Variants in C14orf39 observed in about 807,000 individuals in gnomAD.
C14orf39 encodes chromosome 14 open reading frame 39.
In C14orf39, 66 loss-of-function variants were observed where a neutral mutation model predicts 85.6. That is an observed-to-expected ratio of 0.77 (90% confidence interval 0.63 to 0.95). The LOEUF is 0.95. Ranked by LOEUF, C14orf39 falls within the 40% of genes least tolerant of loss-of-function variation. The probability of loss-of-function intolerance (pLI) is 0.00; values close to 1 mark genes in which losing one functional copy is unlikely to be tolerated. For missense variants in C14orf39, 735 were observed against 663.9 expected (o/e 1.11, Z -1.18); for synonymous variants, 242 against 214.0 (o/e 1.13, Z -1.14).
At chr14:60,475,077 A>C (rs981505943) in intron 5 of C14orf39, among the ~76,000 whole-genome samples, 3 of 152,050 alleles carry the variant, frequency 2.0e-5, no homozygotes, top group Non-Finnish European at 2.9e-5. Context: ...TCAATTTCAG[A>C]GCCTGTTATT....
chr14:60,495,390 T>C, intron 2 of C14orf39: 1 of 182,356 alleles, frequency 5.5e-6, no homozygotes, highest in Non-Finnish European at 1.2e-5. Context: ...CTGAAGAAGA[T>C]CTGAGCGGCA....
chr14:60,474,273 T>C (rs1892255646), intron 5 of C14orf39, among the ~76,000 whole-genome samples: 1 of 152,338 alleles, frequency 6.6e-6, no homozygotes. Context: ...TTTGCTGAAG[T>C]TGTCTACCAG....
At chr14:60,441,993 TAAGAA>T in intron 17 of C14orf39, 76 bp downstream of exon 17, 4 of 914,382 alleles carry the variant, frequency 4.4e-6, no homozygotes, top group Non-Finnish European at 6.9e-6. Context: ...ATTGAGCACC[TAAGAA>T]AATAAGTTAG....
chr14:60,513,266 C>T (rs1893319266), intron 1 of C14orf39, among the ~76,000 whole-genome samples: 1 of 152,270 alleles, frequency 6.6e-6, no homozygotes, highest in South Asian at 2.1e-4. Flanking sequence ...CAAAAGCCCT[C>T]CTGTGGGTCC....
At chr14:60,503,413 A>T (rs2140183149) in intron 1 of C14orf39, among the ~76,000 whole-genome samples, 1 of 152,302 alleles carries the variant, frequency 6.6e-6, no homozygotes, top group South Asian at 2.1e-4. Flanking sequence ...GGCATTAACC[A>T]CTATTTGTGT....
At position 60,457,065 on chromosome 14, in the gene C14orf39, C is replaced by T. The variant is rs11625921; in HGVS notation, c.1210G>A (p.Val404Ile). ...AIYTEHFGKS[V>I]ENDSDEVEER... The stretch of plus-strand genomic sequence containing the variant: ...TCTACTTCATCACTATCATTTTCTA[C>T]TGACTTCCCAAAATGTTCAGTATAT... The change falls in exon 15 of 18, where the codon GTA becomes ATA. Residue 404 changes from valine to isoleucine, a missense_variant. Physicochemically the swap from Val to Ile is conservative, Grantham distance 29 (BLOSUM62 3). Coordinates refer to ENST00000321731, the MANE Select transcript of C14orf39 (RefSeq NM_174978.3). 0.97 allele frequency: 1,544,496 copies of T among 1,599,260 alleles called. 747,938 individuals are homozygous for T. Among genetic ancestry groups the T allele is most frequent in the Non-Finnish European group, 0.98 (1,152,953 of 1,174,398 alleles).
intron 17 of C14orf39, among the ~76,000 whole-genome samples, chr14:60,438,761 C>G (rs765261771): frequency 2.0e-5 from 3 of 151,900 alleles, no homozygotes; most frequent in Admixed American, 6.6e-5. Context: ...AATTCTATCT[C>G]GAAAGATAGA....
At chr14:60,487,696 A>C (rs1282345863), upstream of C14orf39, among the ~76,000 whole-genome samples, 1 of 152,212 alleles carries the variant, frequency 6.6e-6, no homozygotes, top group African/African-American at 2.4e-5. Flanking sequence ...AATTTTGAGA[A>C]GTCTCTTCAC....
chr14:60,476,176 C>T (rs2140139688), intron 5 of C14orf39, among the ~76,000 whole-genome samples: 1 of 152,256 alleles, frequency 6.6e-6, no homozygotes, highest in East Asian at 1.9e-4. Context: ...TATTTAATCG[C>T]TTGGGAAAAA....
intron 17 of C14orf39, among the ~76,000 whole-genome samples, chr14:60,437,614 G>A (rs1014465594): frequency 2.6e-5 from 4 of 151,978 alleles, no homozygotes; most frequent in Non-Finnish European, 5.9e-5. Context: ...TGGAACAGGA[G>A]AGTCTAGAAG....
At chr14:60,478,422 TCA>T in intron 4 of C14orf39, 33 bp from the exon 5 acceptor site, 1 of 1,151,558 alleles carries the variant, frequency 8.7e-7, no homozygotes, top group Non-Finnish European at 1.3e-6. Context: ...AATTAGCAAC[TCA>T]GAATGATAAA....
intron 1 of C14orf39, chr14:60,510,963 A>C (rs1893282134): frequency 9.8e-7 from 1 of 1,022,762 alleles, no homozygotes; most frequent in African/African-American, 1.6e-5. Flanking sequence ...CCTCGCCTTA[A>C]CTGCTGGGGT....
At chr14:60,468,731 T>C (rs868132999) in intron 8 of C14orf39, among the ~76,000 whole-genome samples, 195 bp from the exon 9 acceptor site, 32 of 151,620 alleles carry the variant, frequency 2.1e-4, no homozygotes, top group African/African-American at 7.2e-4. Context: ...TTCCTTACAA[T>C]TCCATTGGCA....
At chr14:60,445,643 G>C (rs1890731086) in intron 16 of C14orf39, among the ~76,000 whole-genome samples, 1 of 152,034 alleles carries the variant, frequency 6.6e-6, no homozygotes, top group Non-Finnish European at 1.5e-5. Context: ...GTCAATATTA[G>C]ACAGATCAAC....
At chr14:60,463,593 T>C (rs2140097019) in intron 11 of C14orf39, among the ~76,000 whole-genome samples, 1 of 152,252 alleles carries the variant, frequency 6.6e-6, no homozygotes, top group South Asian at 2.1e-4. Context: ...ACTTTCATGG[T>C]ATATGAATTA....
intron 7 of C14orf39, 53 bp downstream of exon 7, chr14:60,471,364 C>A: frequency 1.5e-6 from 2 of 1,313,260 alleles, no homozygotes; most frequent in Non-Finnish European, 2.1e-6. Flanking sequence ...AATTAAAATA[C>A]AAAATAATGC....
At chr14:60,460,561 T>C (rs1188637818) in intron 13 of C14orf39, among the ~76,000 whole-genome samples, 2 of 151,854 alleles carry the variant, frequency 1.3e-5, no homozygotes, top group Admixed American at 6.6e-5. Flanking sequence ...TTATATACTT[T>C]AATAGAGCAA....
intron 1 of C14orf39, among the ~76,000 whole-genome samples, chr14:60,506,010 A>G (rs1893198974): frequency 1.3e-5 from 2 of 152,232 alleles, no homozygotes; most frequent in African/African-American, 4.8e-5. Context: ...ATCCAGCACG[A>G]AACAGTTAGC....
Position 60,461,348 on chromosome 14 carries a change from A to C in C14orf39, c.1117+6T>G. 2 of 1,609,148 alleles carry C rather than the reference A, an allele frequency of 1.2e-6. No homozygotes were observed. The highest frequency in any genetic ancestry group is 1.7e-6 in the Non-Finnish European group (2 of 1,176,932). On this transcript the variant is annotated splice_donor_region_variant and intron_variant, in intron 13 of 17. Transcript: ENST00000321731. ...TTCTTAGAAGAAAAATATAAACGGC[A>C]AATACCTTTATCCCCTTTTTCCGAC...
Sources: gnomAD v4.1 joint callset for allele counts (sites outside exome capture counted in the v4.1 genomes callset) on GRCh38, gnomAD v4.1.1 for gene constraint, MANE v1.5 for transcripts, NCBI Gene and HGNC (gene_info 2026-07-23, HGNC 2026-07-21) for gene names.